The following LPL variants were observed in gnomAD, a reference collection of about 807,000 sequenced individuals.
LPL encodes lipoprotein lipase.
A neutral mutation model predicts 52.2 loss-of-function variants in LPL; 43 were observed. That is an observed-to-expected ratio of 0.82 (90% CI 0.64 to 1.06). The LOEUF (loss-of-function observed/expected upper bound fraction) is 1.06, where lower values mean the gene tolerates loss of function less well. Ranked by LOEUF, LPL falls within the 50% of genes least tolerant of loss-of-function variation. The pLI is 0.00. For synonymous variants in LPL, 244 were observed against 215.6 expected (o/e 1.13, Z -1.15); for missense variants, 639 against 585.3 (o/e 1.09, Z -0.95).
chr8:19,939,583 C>A lies in LPL; in HGVS notation c.88+55C>A. The stretch of plus-strand genomic sequence containing the variant: ...CTGCAGACCCGGCGGGTGGCCACTG[C>A]CACCCGAACTGAGGATGAGAAGAAG... On this transcript the variant is annotated intron_variant, in intron 1 of 9. Transcript: ENST00000650287. The surrounding 1 kb of genome is among the most constrained non-coding windows in gnomAD (Gnocchi z 4.0). The A allele has an allele frequency of 6.6e-7, 1 of 1,524,214 alleles. No homozygotes were observed. The highest frequency in any genetic ancestry group is 8.9e-7 in the Non-Finnish European group (1 of 1,119,410). The allele number at this position is 1,524,214 out of a possible 1,614,324, so 94.4% of individuals were successfully genotyped here.
Position 19,939,377 on chromosome 8 carries a change from C to T in LPL, c.-64C>T, listed in dbSNP as rs1416378212. On this transcript the variant is annotated 5_prime_UTR_variant, in exon 1 of 10. Coordinates refer to ENST00000650287, the MANE Select transcript of LPL (RefSeq NM_000237.3). The surrounding 1 kb of genome is among the most constrained non-coding windows in gnomAD (Gnocchi z 4.0). ...CCGCGGCTCCAGCCCTCTCCAGCCT[C>T]CGGCTCAGCCGGCTCATCAGTCGGT... The T allele has an allele frequency of 6.6e-7, 1 of 1,514,134 alleles. No individual in the cohort carries two copies. Among genetic ancestry groups the T allele is most frequent in the Non-Finnish European group, 9.0e-7 (1 of 1,114,672 alleles). The allele number at this position is 1,514,134 out of a possible 1,614,324, so 93.8% of individuals were successfully genotyped here. A position where few individuals can be genotyped will look rare whatever the true frequency, so the allele number is the denominator to read the frequency against.
In LPL at chr8:19,954,084, T is replaced by G. The variant is rs763871276; in HGVS notation, c.542-36T>G. Reference sequence around the variant, plus strand: ...ATGCGAATGTCATACGAATGGAAATTTACAAATCTGTGTTCCTGCTTTTTT... The same window carrying G: ...ATGCGAATGTCATACGAATGGAAATGTACAAATCTGTGTTCCTGCTTTTTT... On this transcript the variant is annotated intron_variant, in intron 4 of 9. Transcript: ENST00000650287. 17 of 1,479,240 alleles carry G rather than the reference T, an allele frequency of 1.1e-5. No homozygotes were observed. In the South Asian group the frequency reaches 1.9e-4, roughly 17 times the overall value. The allele number at this position is 1,479,240 out of a possible 1,614,324, so 91.6% of individuals were successfully genotyped here. A position where few individuals can be genotyped will look rare whatever the true frequency, so the allele number is the denominator to read the frequency against.
intron 9 of LPL, among the ~76,000 whole-genome samples, chr8:19,963,371 G>T (rs901974058): frequency 6.6e-6 from 1 of 151,732 alleles, no homozygotes; most frequent in African/African-American, 2.4e-5. Flanking sequence ...GGGAGGCAGA[G>T]GTTGCAGTGA....
At position 19,939,402 on chromosome 8, in the gene LPL, T is replaced by G; in HGVS notation, c.-39T>G. On this transcript the variant is annotated 5_prime_UTR_variant, in exon 1 of 10. Transcript: ENST00000650287. The surrounding 1 kb of genome is among the most constrained non-coding windows in gnomAD (Gnocchi z 4.0). The stretch of plus-strand genomic sequence containing the variant: ...CCGGCTCAGCCGGCTCATCAGTCGG[T>G]CCGCGCCTTGCAGCTCCTCCAGAGG... 1 of 1,568,184 alleles carries G rather than the reference T, an allele frequency of 6.4e-7. No homozygotes were observed.
rs45607438 is a variant in LPL at position 19,954,265 on chromosome 8, T to C, written c.687T>C (p.His229=). ...RSIGIQKPVG[H]VDIYPNGGTF... ...TTGGAATCCAGAAACCAGTTGGGCA[T>C]GTTGACATTTACCCGAATGGAGGTA... Residue 229 remains histidine (H), a synonymous_variant, in exon 5 of 10, where the codon CAT becomes CAC. Coordinates refer to ENST00000650287, the MANE Select transcript of LPL (RefSeq NM_000237.3). 365 of 1,614,174 alleles carry C rather than the reference T, an allele frequency of 2.3e-4. 2 individuals are homozygous for C. The highest frequency in any genetic ancestry group is 2.3e-4 in the Non-Finnish European group (277 of 1,180,028).
At chr8:19,947,965 G>A (rs2069897537) in intron 1 of LPL, among the ~76,000 whole-genome samples, 1 of 152,174 alleles carries the variant, frequency 6.6e-6, no homozygotes, top group African/African-American at 2.4e-5. Flanking sequence ...GGTCAATGGT[G>A]ACAATCTTAA....
intron 6 of LPL, among the ~76,000 whole-genome samples, chr8:19,956,339 C>T (rs533676838): frequency 9.2e-5 from 14 of 152,326 alleles, no homozygotes; most frequent in Admixed American, 8.5e-4. Flanking sequence ...GTAAATGTGG[C>T]CATTAGCATG....
chr8:19,951,638 G>C, intron 2 of LPL, 131 bp from the exon 3 acceptor site: 1 of 996,110 alleles, frequency 1.0e-6, no homozygotes, highest in Non-Finnish European at 1.6e-6. Context: ...TCTGTTATTT[G>C]ATTTTTCTAT....
intron 1 of LPL, among the ~76,000 whole-genome samples, chr8:19,943,954 C>T (rs566081193): frequency 3.7e-4 from 57 of 152,170 alleles, no homozygotes; most frequent in African/African-American, 1.2e-3. Context: ...TTTGGGAGGC[C>T]GAGGCGGGTG....
In LPL at chr8:19,948,180, A is replaced by G. The variant is rs780666488; in HGVS notation, c.89A>G (p.Gln30Arg). 4 of 1,614,102 alleles carry G rather than the reference A, an allele frequency of 2.5e-6. No homozygotes were observed. The Admixed American group carries it at 5.0e-5, about 20-fold the overall frequency. Residue 30 changes from glutamine to arginine, a missense_variant and splice_region_variant, in exon 2 of 10, where the codon CAA becomes CGA. Coordinates refer to ENST00000650287, the MANE Select transcript of LPL (RefSeq NM_000237.3). ...CTCATATCCAATTTTTCCTTTCCAG[A>G]AAGAAGAGATTTTATCGACATCGAA... ...ASRGGVAAAD[Q>R]RRDFIDIESK...
rs1365389587 is a variant in LPL at position 19,966,953 on chromosome 8, C to G, written c.*1643C>G. ...AGATTCACTAAAGCAGCACATAGCA[C>G]TGGGAACTCTGGCTCCGAAAAACTT... On this transcript the variant is annotated 3_prime_UTR_variant, in exon 10 of 10. Coordinates refer to ENST00000650287, the MANE Select transcript of LPL (RefSeq NM_000237.3). 11 of 152,700 alleles carry G rather than the reference C, an allele frequency of 7.2e-5. No homozygotes were observed. The highest frequency in any genetic ancestry group is 2.2e-4 in the African/African-American group (9 of 41,536). The allele number at this position is 152,700 out of a possible 1,614,324, so 9.5% of individuals were successfully genotyped here.
At position 19,967,114 on chromosome 8, in the gene LPL, A is replaced by AGT. The variant is rs2070096354; in HGVS notation, c.*1804_*1805insGT. On this transcript the variant is annotated 3_prime_UTR_variant, in exon 10 of 10. Coordinates refer to ENST00000650287, the MANE Select transcript of LPL (RefSeq NM_000237.3). ...CTGCATTTATAAATGTGTGGTGCTAACTGTATGTGTCTTTATCAGTGATGG... is the reference window on the plus strand; with the variant it reads ...CTGCATTTATAAATGTGTGGTGCTAAGTCTGTATGTGTCTTTATCAGTGATGG... 1 of 148,472 alleles carries AGT rather than the reference A, an allele frequency of 6.7e-6. No individual in the cohort carries two copies. Among genetic ancestry groups the AGT allele is most frequent in the Non-Finnish European group, 1.5e-5 (1 of 66,930 alleles). The allele number at this position is 148,472 out of a possible 1,614,324, so 9.2% of individuals were successfully genotyped here. A position where few individuals can be genotyped will look rare whatever the true frequency, so the allele number is the denominator to read the frequency against.
chr8:19,949,229 G>C (rs889963231), intron 2 of LPL, among the ~76,000 whole-genome samples: 1 of 152,084 alleles, frequency 6.6e-6, no homozygotes, highest in Non-Finnish European at 1.5e-5. Flanking sequence ...TTTCTAGTGA[G>C]AACTAACTAA....
At position 19,939,537 on chromosome 8, in the gene LPL, T is replaced by C. The variant is rs2069811717; in HGVS notation, c.88+9T>C. The C allele has an allele frequency of 1.2e-6, 2 of 1,605,746 alleles. No homozygotes were observed. The highest frequency in any genetic ancestry group is 1.3e-5 in the African/African-American group (1 of 74,974). ...GGTGGCCGCCGCCGACCGTAAGTTT[T>C]GCGCGCAAACTCCCCTCCACCTGCA... On this transcript the variant is annotated intron_variant, in intron 1 of 9. Coordinates refer to ENST00000650287, the MANE Select transcript of LPL (RefSeq NM_000237.3). The surrounding 1 kb of genome is among the most constrained non-coding windows in gnomAD (Gnocchi z 4.0).
Position 19,953,414 on chromosome 8 carries a change from A to G in LPL, c.534A>G (p.Arg178=). The change falls in exon 4 of 10, where the codon AGA becomes AGG. Residue 178 remains arginine (R), a synonymous_variant. Transcript: ENST00000650287. ...AGSLTNKKVN[R]ITGLDPAGPN... is the part of the protein sequence containing the mutation. ...GTCTGACCAATAAGAAAGTCAACAGAATTACTGGTAAGAAAGCAATTTCGT... is the reference window on the plus strand; with the variant it reads ...GTCTGACCAATAAGAAAGTCAACAGGATTACTGGTAAGAAAGCAATTTCGT... The G allele has an allele frequency of 6.2e-7, 1 of 1,612,236 alleles. No individual in the cohort carries two copies.
chr8:19,962,031 A>T, intron 8 of LPL, 84 bp from the exon 9 acceptor site: 1 of 912,028 alleles, frequency 1.1e-6, no homozygotes, highest in Non-Finnish European at 1.8e-6. Flanking sequence ...TGTATTATTT[A>T]AACAGTCCTG....
chr8:19,961,277 A>C (rs1307934888), intron 8 of LPL, among the ~76,000 whole-genome samples, 194 bp downstream of exon 8: 3 of 150,934 alleles, frequency 2.0e-5, no homozygotes, highest in Non-Finnish European at 4.4e-5. Context: ...GGGAAGTGAC[A>C]GTATTTTTGT....
intron 3 of LPL, among the ~76,000 whole-genome samples, chr8:19,952,311 C>T (rs75026342): frequency 0.023 from 3,573 of 152,176 alleles, 122 homozygotes; most frequent in African/African-American, 0.08. Flanking sequence ...ACATCTTATC[C>T]TCACCTTGAC....
intron 9 of LPL, among the ~76,000 whole-genome samples, chr8:19,964,358 C>T (rs1357907054): frequency 6.6e-6 from 1 of 152,126 alleles, no homozygotes; most frequent in Admixed American, 6.6e-5. Flanking sequence ...AATAAAACCT[C>T]ATTAAATTAG....
Sources: gnomAD v4.1 joint callset for allele counts (sites outside exome capture counted in the v4.1 genomes callset) on GRCh38, gnomAD v4.1.1 for gene constraint, Gnocchi (gnomAD v3.1) non-coding constraint, MANE v1.5 for transcripts, NCBI Gene and HGNC (gene_info 2026-07-23, HGNC 2026-07-21) for gene names.